The following SYN3 variants were observed in gnomAD, a reference collection of about 807,000 sequenced individuals.
The protein encoded by SYN3 is synapsin-3.
SYN3 carries 35 observed loss-of-function variants against 65.8 expected under a neutral mutation model. That is an observed-to-expected ratio of 0.53 (90% CI 0.41 to 0.70). The LOEUF (loss-of-function observed/expected upper bound fraction) is 0.70, where lower values mean the gene tolerates loss of function less well. Ranked by LOEUF, SYN3 falls within the 30% of genes least tolerant of loss-of-function variation. The probability of loss-of-function intolerance (pLI) is 0.00; values close to 1 mark genes in which losing one functional copy is unlikely to be tolerated. For missense variants in SYN3, 680 were observed against 749.0 expected, an observed-to-expected ratio of 0.91 and a Z score of 1.08; for synonymous variants, 270 against 292.9, an observed-to-expected ratio of 0.92 and a Z score of 0.80.
intron 2 of SYN3, among the ~76,000 whole-genome samples, chr22:32,982,147 C>T (rs992995726): frequency 6.6e-6 from 1 of 152,162 alleles, no homozygotes; most frequent in African/African-American, 2.4e-5. Context: ...TTATCCAAAT[C>T]TTCTAACTAT....
chr22:32,933,955 T>C (rs1055001517), intron 3 of SYN3, among the ~76,000 whole-genome samples: 3 of 152,220 alleles, frequency 2.0e-5, no homozygotes, highest in Admixed American at 6.5e-5. Context: ...TCTCCCCAGA[T>C]AGCATTAGAG....
At chr22:33,020,961 T>C (rs1287225409) in intron 1 of SYN3, among the ~76,000 whole-genome samples, 1 of 152,248 alleles carries the variant, frequency 6.6e-6, no homozygotes, top group East Asian at 1.9e-4. Context: ...TTCCTGCAAC[T>C]TAACATATGC....
intron 3 of SYN3, among the ~76,000 whole-genome samples, chr22:32,935,965 GTA>G (rs1264237860): frequency 6.6e-6 from 1 of 152,174 alleles, no homozygotes; most frequent in Non-Finnish European, 1.5e-5. Flanking sequence ...TCAAGACAAT[GTA>G]TATGAAACAT....
chr22:32,740,969 T>C (rs757510875), intron 6 of SYN3, among the ~76,000 whole-genome samples: 11 of 152,028 alleles, frequency 7.2e-5, no homozygotes, highest in Admixed American at 3.3e-4. Context: ...CTGCAGGCAA[T>C]GGGGACAAAA....
intron 7 of SYN3, among the ~76,000 whole-genome samples, chr22:32,565,912 T>A (rs2146383943): frequency 6.6e-6 from 1 of 152,030 alleles, no homozygotes; most frequent in African/African-American, 2.4e-5. Flanking sequence ...TAGCGTTTCA[T>A]CATGTTAACC....
intron 3 of SYN3, among the ~76,000 whole-genome samples, chr22:32,976,246 C>T (rs1451105323): frequency 6.6e-6 from 1 of 152,166 alleles, no homozygotes; most frequent in Non-Finnish European, 1.5e-5. Context: ...ATATGTAAAT[C>T]CATGGGTCGT....
chr22:32,704,053 T>C (rs181794559), intron 6 of SYN3, among the ~76,000 whole-genome samples: 1 of 152,322 alleles, frequency 6.6e-6, no homozygotes, highest in Admixed American at 6.5e-5. Flanking sequence ...TGTAACTTTT[T>C]TTCTTTTAAG....
intron 3 of SYN3, among the ~76,000 whole-genome samples, chr22:32,971,301 T>TC (rs953625366): frequency 6.6e-6 from 1 of 151,934 alleles, no homozygotes; most frequent in African/African-American, 2.4e-5. Flanking sequence ...GCTTTTTTTA[T>TC]CCCCCCAGCT....
intron 6 of SYN3, among the ~76,000 whole-genome samples, chr22:32,739,277 T>C (rs1346883361): frequency 6.6e-6 from 1 of 152,094 alleles, no homozygotes; most frequent in Non-Finnish European, 1.5e-5. Context: ...GCTCTCATTC[T>C]CTCTCTTGTC....
intron 1 of SYN3, among the ~76,000 whole-genome samples, chr22:33,031,510 G>C (rs923951857): frequency 6.6e-5 from 10 of 152,090 alleles, no homozygotes; most frequent in Non-Finnish European, 1.2e-4. Flanking sequence ...GCTCTCCTTT[G>C]GTTTCCTGCC....
At chr22:32,626,724 A>C (rs1452406503) in intron 6 of SYN3, among the ~76,000 whole-genome samples, 1 of 152,202 alleles carries the variant, frequency 6.6e-6, no homozygotes, top group Non-Finnish European at 1.5e-5. Flanking sequence ...GGTGCTACCC[A>C]GTTTAACCCC....
intron 8 of SYN3, among the ~76,000 whole-genome samples, chr22:32,539,751 GAGGCTCAGCAGAAAAATGCTGCA>G (rs1164203905): frequency 6.6e-6 from 1 of 151,408 alleles, no homozygotes; most frequent in African/African-American, 2.4e-5. Flanking sequence ...TCAGGCCAGG[GAGGCTCAGCAGAAAAATGCTGCA>G]ATGAGGTAAT....
chr22:32,919,520 T>G (rs1003962365), intron 4 of SYN3, among the ~76,000 whole-genome samples: 2 of 152,188 alleles, frequency 1.3e-5, no homozygotes, highest in Non-Finnish European at 2.9e-5. Flanking sequence ...AAGGGAACAC[T>G]TTTCCAAACA....
At chr22:32,658,926 T>C (rs1009128456) in intron 6 of SYN3, among the ~76,000 whole-genome samples, 6 of 152,202 alleles carry the variant, frequency 3.9e-5, no homozygotes, top group Non-Finnish European at 8.8e-5. Context: ...GCATACCACA[T>C]GACAGGCGCT....
chr22:32,587,079 G>A (rs1293251169), intron 7 of SYN3, among the ~76,000 whole-genome samples: 1 of 151,964 alleles, frequency 6.6e-6, no homozygotes, highest in East Asian at 1.9e-4. Flanking sequence ...AAAATTAGCT[G>A]GGCATGGTGG....
chr22:32,752,942 C>T (rs893190851), intron 6 of SYN3, among the ~76,000 whole-genome samples: 5 of 152,074 alleles, frequency 3.3e-5, no homozygotes, highest in African/African-American at 2.4e-5. Context: ...AAGGGAAAAC[C>T]GAGCACTCTG....
At chr22:32,701,679 C>G (rs1483217542) in intron 6 of SYN3, among the ~76,000 whole-genome samples, 1 of 151,978 alleles carries the variant, frequency 6.6e-6, no homozygotes, top group Non-Finnish European at 1.5e-5. Context: ...AAATTATATA[C>G]TATAGAAGAC....
intron 6 of SYN3, among the ~76,000 whole-genome samples, chr22:32,636,355 T>C (rs2059815497): frequency 1.3e-5 from 2 of 150,332 alleles, no homozygotes; most frequent in South Asian, 4.2e-4. Context: ...TGAGCCGAGA[T>C]TGTGCCACTG....
intron 11 of SYN3, among the ~76,000 whole-genome samples, chr22:32,528,334 G>A (rs1303909053): frequency 6.6e-6 from 1 of 152,216 alleles, no homozygotes; most frequent in South Asian, 2.1e-4. Context: ...GGAGGTGGAA[G>A]TTTGGGGACT....
Sources: gnomAD v4.1 joint callset for allele counts (sites outside exome capture counted in the v4.1 genomes callset) on GRCh38, gnomAD v4.1.1 for gene constraint, MANE v1.5 for transcripts, NCBI Gene and HGNC (gene_info 2026-07-23, HGNC 2026-07-21) for gene names.